ARHGAP19: variants seen among roughly 807,000 people sequenced by gnomAD.
ARHGAP19 encodes the protein rho GTPase-activating protein 19.
A neutral mutation model predicts 60.9 loss-of-function variants in ARHGAP19; 48 were observed. The ratio of observed to expected loss-of-function variants is 0.79; its 90% confidence interval spans 0.62 to 1.00. The LOEUF (loss-of-function observed/expected upper bound fraction) is 1.00. Ranked by LOEUF, ARHGAP19 falls within the 50% of genes least tolerant of loss-of-function variation. The pLI, the probability that ARHGAP19 is intolerant of heterozygous loss-of-function variation, is 0.00. For synonymous variants in ARHGAP19, 209 were observed against 215.5 expected, an observed-to-expected ratio of 0.97 and a Z score of 0.27; for missense variants, 562 against 597.2, an observed-to-expected ratio of 0.94 and a Z score of 0.61.
chr10:97,226,157 G>A (rs373179960), intron 11 of ARHGAP19, 25 bp from the exon 12 acceptor site: 51 of 1,612,122 alleles, frequency 3.2e-5, no homozygotes, highest in South Asian at 1.1e-4. Flanking sequence ...AAACAAGAGC[G>A]TTAGACATGT....
intron 4 of ARHGAP19, among the ~76,000 whole-genome samples, chr10:97,261,089 G>A (rs1310219052): frequency 6.6e-6 from 1 of 152,126 alleles, no homozygotes; most frequent in African/African-American, 2.4e-5. Context: ...ATAACAGGCA[G>A]CTCCCAATAG....
At chr10:97,290,956 C>A (rs988120909) in intron 1 of ARHGAP19, among the ~76,000 whole-genome samples, 1 of 152,130 alleles carries the variant, frequency 6.6e-6, no homozygotes, top group South Asian at 2.1e-4. Flanking sequence ...ACAGGACTAG[C>A]TGGATTTCCT....
intron 8 of ARHGAP19, among the ~76,000 whole-genome samples, chr10:97,235,559 C>T (rs1428967857): frequency 6.6e-6 from 1 of 152,124 alleles, no homozygotes; most frequent in East Asian, 1.9e-4. Flanking sequence ...CCCCATTCTA[C>T]AGACAAAAAA....
Position 97,226,127 on chromosome 10 carries a change from GA to G in ARHGAP19, c.1479del (p.Leu494SerfsTer47). ...AGGAGACAACTCTGGATCCTTCAGA[GA>G]AATCCTAGGTTGAAGGAAAAACAAG... is the stretch of plus-strand genomic sequence containing the variant. Reference protein sequence around the residue: ...SEGKKEGKKGFL With the variant: ...SEGKKEGKKGXL On this transcript the variant is annotated frameshift_variant, in exon 12 of 12. Coordinates refer to ENST00000358531, the MANE Select transcript of ARHGAP19 (RefSeq NM_032900.6). LOFTEE classifies it high-confidence loss of function. 2 of 1,613,868 alleles carry G rather than the reference GA, an allele frequency of 1.2e-6. No individual in the cohort carries two copies. Among genetic ancestry groups the G allele is most frequent in the Middle Eastern group, 1.6e-4 (1 of 6,062 alleles).
At chr10:97,254,786 G>A (rs1043764877) in intron 6 of ARHGAP19, among the ~76,000 whole-genome samples, 7 of 152,130 alleles carry the variant, frequency 4.6e-5, no homozygotes, top group African/African-American at 1.4e-4. Flanking sequence ...CCATATAGCT[G>A]ATAAAGGATG....
intron 5 of ARHGAP19, among the ~76,000 whole-genome samples, chr10:97,259,189 T>C (rs1222254958): frequency 6.6e-6 from 1 of 152,220 alleles, no homozygotes; most frequent in African/African-American, 2.4e-5. Context: ...CAATGCCATG[T>C]AGGTTTACCA....
At chr10:97,236,633 T>C (rs1842383335) in intron 8 of ARHGAP19, among the ~76,000 whole-genome samples, 1 of 151,882 alleles carries the variant, frequency 6.6e-6, no homozygotes, top group Admixed American at 6.6e-5. Context: ...TATTAAAAAG[T>C]ACATGCCACT....
At position 97,229,181 on chromosome 10, in the gene ARHGAP19, C is replaced by T; in HGVS notation, c.1440G>A (p.Leu480=). The T allele has an allele frequency of 6.2e-7, 1 of 1,614,134 alleles. No individual in the cohort carries two copies. The highest frequency in any genetic ancestry group is 2.2e-5 in the East Asian group (1 of 44,874). The change falls in exon 11 of 12, where the codon TTG becomes TTA. Residue 480 remains leucine, a synonymous_variant. Transcript: ENST00000358531. ...CCTCTTTCTTCCCTTCAGACCACTT[C>T]AATCTTGTTGGTGTCATCGTGACAG... ...SPAVTMTPTR[L]KWSEGKKEGK... is the part of the protein sequence containing the mutation.
chr10:97,280,237 T>G (rs546488175), intron 1 of ARHGAP19, among the ~76,000 whole-genome samples: 1 of 152,002 alleles, frequency 6.6e-6, no homozygotes, highest in East Asian at 1.9e-4. Context: ...TGAAACCCCA[T>G]CTCTACTAAA....
Position 97,247,732 on chromosome 10 carries a change from GGAA to G in ARHGAP19, c.928-1398_928-1396del, listed in dbSNP as rs1428966746. On this transcript the variant is annotated intron_variant, in intron 6 of 11. Coordinates refer to ENST00000358531, the MANE Select transcript of ARHGAP19 (RefSeq NM_032900.6). ...AGAGAAAAAGAAAGGATGGAGAGAA[GGAA>G]GAAACACTTAATGAATTGATATGGA... Among the ~76,000 whole-genome samples the G allele has an allele frequency of 7.9e-5, 6 of 76,044 alleles. 1 individual carries two copies. The East Asian group carries it at 2.7e-3, about 34-fold the overall frequency. The allele number at this position is 76,044 out of a possible 152,430, so 49.9% of individuals were successfully genotyped here.
intron 7 of ARHGAP19, among the ~76,000 whole-genome samples, chr10:97,245,745 T>C (rs927245771): frequency 6.6e-6 from 1 of 152,152 alleles, no homozygotes; most frequent in Non-Finnish European, 1.5e-5. Flanking sequence ...AAAATAGGAA[T>C]GAATTACATA....
chr10:97,236,471 T>A (rs1483128382), intron 8 of ARHGAP19, among the ~76,000 whole-genome samples: 1 of 152,094 alleles, frequency 6.6e-6, no homozygotes, highest in Admixed American at 6.6e-5. Context: ...CCCTCCTGAA[T>A]AAACTGGGAC....
In ARHGAP19 at chr10:97,270,951, T is replaced by C. The variant is rs1266298725; in HGVS notation, c.57-4826A>G. 2.6e-5 allele frequency among the ~76,000 whole-genome samples: 4 copies of C among 152,358 alleles called. No homozygotes were observed. In the South Asian group the frequency reaches 8.3e-4, roughly 32 times the overall value. ...TGTAAAAGCATATAACAGGTAGTTTTACAATATGGGGGAGGGGTGATCCCT... is the reference window on the plus strand; with the variant it reads ...TGTAAAAGCATATAACAGGTAGTTTCACAATATGGGGGAGGGGTGATCCCT... On this transcript the variant is annotated intron_variant, in intron 1 of 11. Transcript: ENST00000358531.
In ARHGAP19 at chr10:97,256,927, C is replaced by T. The variant is rs1055766569; in HGVS notation, c.841-523G>A. Among the ~76,000 whole-genome samples the T allele has an allele frequency of 8.0e-4, 122 of 152,230 alleles. 1 individual carries two copies. Among genetic ancestry groups the T allele is most frequent in the Non-Finnish European group, 1.4e-3 (93 of 68,024 alleles). On this transcript the variant is annotated intron_variant, in intron 5 of 11. Transcript: ENST00000358531. ...ACGAGGTCAGGAGATTGAGACCATC[C>T]TGGCTAACACAGTGAAACACCGTCT...
intron 1 of ARHGAP19, chr10:97,274,975 A>G (rs1029246935): frequency 1.8e-4 from 28 of 152,408 alleles, no homozygotes; most frequent in African/African-American, 6.0e-4. Context: ...AGGACACCAC[A>G]TCGGGGCTCT....
intron 8 of ARHGAP19, among the ~76,000 whole-genome samples, chr10:97,237,977 G>C (rs1250175426): frequency 6.6e-6 from 1 of 151,706 alleles, no homozygotes; most frequent in Non-Finnish European, 1.5e-5. Context: ...CATTATTTTA[G>C]AGTGCACTCC....
intron 1 of ARHGAP19, among the ~76,000 whole-genome samples, chr10:97,290,778 C>A (rs1392716070): frequency 2.6e-5 from 4 of 152,156 alleles, no homozygotes; most frequent in Non-Finnish European, 5.9e-5. Context: ...CTGGAACAGC[C>A]TGCTAGCCCA....
In ARHGAP19 at chr10:97,246,316, A is replaced by C. The variant is rs949384593; in HGVS notation, c.949T>G (p.Cys317Gly). Residue 317 changes from cysteine to glycine, a missense_variant, in exon 7 of 12, where the codon TGT becomes GGT. By Grantham distance (159) the Cys-to-Gly change is radical. Coordinates refer to ENST00000358531, the MANE Select transcript of ARHGAP19 (RefSeq NM_032900.6). Reference protein sequence around the residue: ...LFKAPAYIRECARLHYLGSRT... With the variant: ...LFKAPAYIREGARLHYLGSRT... ...GATCCCAAATAGTGCAATCTCGCACACTCCCGAATGTAAGCAGGAGCCTGG... is the reference window on the plus strand; with the variant it reads ...GATCCCAAATAGTGCAATCTCGCACCCTCCCGAATGTAAGCAGGAGCCTGG... 10 of 1,613,752 alleles carry C rather than the reference A, an allele frequency of 6.2e-6. No homozygotes were observed. The highest frequency in any genetic ancestry group is 8.5e-6 in the Non-Finnish European group (10 of 1,179,904).
At position 97,271,315 on chromosome 10, in the gene ARHGAP19, T is replaced by C. The variant is rs926200964; in HGVS notation, c.57-5190A>G. 7.2e-5 allele frequency among the ~76,000 whole-genome samples: 11 copies of C among 151,826 alleles called. No individual in the cohort carries two copies. In the South Asian group the frequency reaches 1.2e-3, roughly 17 times the overall value. On this transcript the variant is annotated intron_variant, in intron 1 of 11. Coordinates refer to ENST00000358531, the MANE Select transcript of ARHGAP19 (RefSeq NM_032900.6). The stretch of plus-strand genomic sequence containing the variant: ...ATTTTATATTCATTTGAACGTACTA[T>C]CCATTCATAATAAATAAATAAATAA...
Sources: gnomAD v4.1 joint callset for allele counts (sites outside exome capture counted in the v4.1 genomes callset) on GRCh38, gnomAD v4.1.1 for gene constraint, MANE v1.5 for transcripts, NCBI Gene and HGNC (gene_info 2026-07-23, HGNC 2026-07-21) for gene names.